The following MAD1L1 variants were observed in gnomAD, a reference collection of about 807,000 sequenced individuals.
The protein encoded by MAD1L1 is mitotic spindle assembly checkpoint protein MAD1.
Under a neutral mutation model 96.9 loss-of-function variants are expected in MAD1L1, and 95 were observed. The ratio of observed to expected loss-of-function variants is 0.98; its 90% CI spans 0.83 to 1.16. The LOEUF is 1.16. MAD1L1 is among the 50% of genes most tolerant of loss of function. MAD1L1 has a pLI of 0.00. For missense variants in MAD1L1, 1,007 were observed against 954.4 expected, an observed-to-expected ratio of 1.06 and a Z score of -0.73; for synonymous variants, 473 against 396.6, an observed-to-expected ratio of 1.19 and a Z score of -2.29.
At chr7:2,169,890 G>A (rs1036146640) in intron 10 of MAD1L1, among the ~76,000 whole-genome samples, 2 of 130,868 alleles carry the variant, frequency 1.5e-5, no homozygotes, top group Non-Finnish European at 3.4e-5. Context: ...TGGAGGGGTC[G>A]GCCAGGACTG....
At chr7:1,888,589 C>T (rs1048178938) in intron 18 of MAD1L1, among the ~76,000 whole-genome samples, 34 of 151,160 alleles carry the variant, frequency 2.2e-4, no homozygotes, top group Admixed American at 1.7e-3. Flanking sequence ...AGCATGCATG[C>T]GTGCATGTGG....
At chr7:2,051,656 T>G in intron 12 of MAD1L1, among the ~76,000 whole-genome samples, 1 of 27,662 alleles carries the variant, frequency 3.6e-5, no homozygotes, top group Non-Finnish European at 7.8e-5. Flanking sequence ...CCCCACCAGC[T>G]GCCCTGCGCC....
intron 18 of MAD1L1, among the ~76,000 whole-genome samples, chr7:1,888,545 T>C (rs139340134): frequency 3.3e-5 from 1 of 30,418 alleles, no homozygotes; most frequent in Non-Finnish European, 8.0e-5. Flanking sequence ...CCTGTGCGTG[T>C]GTGTGAGCAT....
At position 2,002,063 on chromosome 7, in the gene MAD1L1, A is replaced by G. The variant is rs754741256; in HGVS notation, c.1416+2T>C. 1 of 1,613,234 alleles carries G rather than the reference A, an allele frequency of 6.2e-7. No homozygotes were observed. The highest frequency in any genetic ancestry group is 1.1e-5 in the South Asian group (1 of 91,086). ...TCCCAGCCACTCCCGCGTCTGACTC[A>G]CCATGTCTGCTCTTTGTTTCTGGCC... On this transcript the variant is annotated splice_donor_variant, in intron 14 of 18. Transcript: ENST00000265854. LOFTEE classifies it high-confidence loss of function.
intron 16 of MAD1L1, among the ~76,000 whole-genome samples, chr7:1,950,257 G>A (rs567227908): frequency 9.2e-5 from 14 of 152,182 alleles, no homozygotes; most frequent in Admixed American, 2.0e-4. Context: ...ACCCAGCGGC[G>A]AGAATGGTCA....
rs1793701246 is a variant in MAD1L1, at chr7:2,223,168, C to T, written c.292-414G>A. Among the ~76,000 whole-genome samples, 7 of 152,346 alleles carry T rather than the reference C, an allele frequency of 4.6e-5. No individual in the cohort carries two copies. The South Asian group carries it at 1.4e-3, about 32-fold the overall frequency. On this transcript the variant is annotated intron_variant, in intron 4 of 18. Transcript: ENST00000265854. ...TGTCCGGCACTGAAAGGAGCTGGCA[C>T]TCCCCCAGCGAGCAGACAACAGGGG...
chr7:1,826,244 G>GCAGC (rs778589093), intron 18 of MAD1L1, among the ~76,000 whole-genome samples: 4 of 152,110 alleles, frequency 2.6e-5, no homozygotes, highest in Non-Finnish European at 5.9e-5. Flanking sequence ...TCCAGGAGCA[G>GCAGC]CAGCCACCAC....
intron 10 of MAD1L1, among the ~76,000 whole-genome samples, chr7:2,209,397 C>T (rs145635991): frequency 7.2e-5 from 11 of 152,338 alleles, no homozygotes; most frequent in Non-Finnish European, 1.2e-4. Flanking sequence ...GGACGTCTGA[C>T]CTCAACGCCA....
In MAD1L1 at chr7:1,966,289, C is replaced by T. The variant is rs375285397; in HGVS notation, c.1506-8570G>A. ...AAACACAAAACCTCTTCTCACAATG[C>T]TCAGGACATAACCCCAAATTACTCG... On this transcript the variant is annotated intron_variant, in intron 15 of 18. Coordinates refer to ENST00000265854, the MANE Select transcript of MAD1L1 (RefSeq NM_001013836.2). 1.7e-4 allele frequency among the ~76,000 whole-genome samples: 26 copies of T among 152,328 alleles called. No individual in the cohort carries two copies. The East Asian group carries it at 4.8e-3, about 28-fold the overall frequency.
chr7:1,916,625 C>G (rs368077419), intron 17 of MAD1L1, among the ~76,000 whole-genome samples: 1 of 152,194 alleles, frequency 6.6e-6, no homozygotes, highest in African/African-American at 2.4e-5. Context: ...CCAGGCCCTG[C>G]AAGGGAGTCA....
intron 14 of MAD1L1, among the ~76,000 whole-genome samples, chr7:1,997,585 C>T (rs1781612768): frequency 6.6e-6 from 1 of 152,276 alleles, no homozygotes; most frequent in South Asian, 2.1e-4. Flanking sequence ...GTCCCGCAGC[C>T]CAGAGACCCC....
At chr7:1,871,674 G>A (rs1365885915) in intron 18 of MAD1L1, among the ~76,000 whole-genome samples, 6 of 150,064 alleles carry the variant, frequency 4.0e-5, no homozygotes, top group South Asian at 4.2e-4. Flanking sequence ...ACATACGCCT[G>A]CCACGCTGAA....
At chr7:1,973,884 C>T (rs1391148497) in intron 15 of MAD1L1, among the ~76,000 whole-genome samples, 1 of 152,230 alleles carries the variant, frequency 6.6e-6, no homozygotes, top group Non-Finnish European at 1.5e-5. Context: ...CTGCCATCAG[C>T]CCTGCTGACC....
chr7:2,179,405 G>A (rs1206859402), intron 10 of MAD1L1, among the ~76,000 whole-genome samples: 2 of 151,976 alleles, frequency 1.3e-5, no homozygotes, highest in Non-Finnish European at 2.9e-5. Context: ...GCGCATGCCT[G>A]TAATCCCAGC....
intron 18 of MAD1L1, among the ~76,000 whole-genome samples, chr7:1,868,374 A>G (rs540134651): frequency 2.0e-4 from 30 of 152,226 alleles, no homozygotes; most frequent in African/African-American, 6.7e-4. Context: ...GCCGCCCAGC[A>G]CACACCACGC....
At chr7:2,141,856 C>T (rs560157367) in intron 11 of MAD1L1, among the ~76,000 whole-genome samples, 115 of 152,314 alleles carry the variant, frequency 7.6e-4, no homozygotes, top group African/African-American at 2.5e-3. Context: ...GGACAGGTGC[C>T]GCCAAGTCCT....
intron 11 of MAD1L1, among the ~76,000 whole-genome samples, chr7:2,072,566 G>A (rs956153835): frequency 3.3e-5 from 5 of 152,238 alleles, no homozygotes; most frequent in African/African-American, 1.2e-4. Context: ...CTCAAGGGCT[G>A]TAAAATCTAC....
intron 11 of MAD1L1, among the ~76,000 whole-genome samples, chr7:2,078,471 C>A (rs929624251): frequency 6.6e-6 from 1 of 152,216 alleles, no homozygotes; most frequent in African/African-American, 2.4e-5. Flanking sequence ...GGGGCCTCCG[C>A]GGCTGAGCCA....
chr7:2,157,165 T>C (rs1247165225), intron 10 of MAD1L1, among the ~76,000 whole-genome samples: 1 of 152,236 alleles, frequency 6.6e-6, no homozygotes, highest in African/African-American at 2.4e-5. Flanking sequence ...ATTTGATATA[T>C]ACTGGAACGT....
Sources: gnomAD v4.1 joint callset for allele counts (sites outside exome capture counted in the v4.1 genomes callset) on GRCh38, gnomAD v4.1.1 for gene constraint, MANE v1.5 for transcripts, NCBI Gene and HGNC (gene_info 2026-07-23, HGNC 2026-07-21) for gene names.